The following PIP5K1B variants were observed in gnomAD, a reference collection of about 807,000 sequenced individuals.
PIP5K1B encodes the protein phosphatidylinositol 4-phosphate 5-kinase type-1 beta.
PIP5K1B carries 42 observed loss-of-function variants against 67.0 expected under a neutral mutation model. The ratio of observed to expected loss-of-function variants is 0.63; its 90% CI spans 0.49 to 0.81. The LOEUF is 0.81. Ranked by LOEUF, PIP5K1B falls within the 30% of genes least tolerant of loss-of-function variation. The pLI is 0.00. For synonymous variants in PIP5K1B, 214 were observed against 231.4 expected (o/e 0.92, Z 0.68); for missense variants, 459 against 646.3 (o/e 0.71, Z 3.14).
At position 68,737,048 on chromosome 9, in the gene PIP5K1B, C is replaced by G. The variant is rs530498916; in HGVS notation, c.-242-5453C>G. The stretch of plus-strand genomic sequence containing the variant: ...GACCTTCTTTTCTTTCAGATTGTGT[C>G]TCTTAAGATAAATATCCAAGTTTAG... On this transcript the variant is annotated intron_variant, in intron 1 of 15. Coordinates refer to ENST00000265382, the MANE Select transcript of PIP5K1B (RefSeq NM_003558.4). 2.0e-4 allele frequency among the ~76,000 whole-genome samples: 30 copies of G among 152,254 alleles called. No homozygotes were observed. In the South Asian group the frequency reaches 5.8e-3, roughly 29 times the overall value.
At chr9:68,750,702 A>C (rs1011965944) in intron 2 of PIP5K1B, among the ~76,000 whole-genome samples, 5 of 152,228 alleles carry the variant, frequency 3.3e-5, no homozygotes, top group Non-Finnish European at 5.9e-5. Flanking sequence ...TAGAATACTT[A>C]TATGCACAAT....
intron 2 of PIP5K1B, among the ~76,000 whole-genome samples, chr9:68,753,325 C>G (rs1829729573): frequency 6.9e-6 from 1 of 145,596 alleles, no homozygotes; most frequent in South Asian, 2.2e-4. Flanking sequence ...TGGTTTATTT[C>G]CCCCCACATT....
At chr9:68,949,508 A>G (rs10869574) in intron 14 of PIP5K1B, among the ~76,000 whole-genome samples, 102,806 of 152,150 alleles carry the variant, frequency 0.68, 37,404 homozygotes, top group Non-Finnish European at 0.8. Flanking sequence ...AATTAAGAGG[A>G]CATAACATGT....
intron 4 of PIP5K1B, among the ~76,000 whole-genome samples, chr9:68,859,428 C>T (rs1822946592): frequency 6.6e-6 from 1 of 152,158 alleles, no homozygotes; most frequent in Admixed American, 6.5e-5. Flanking sequence ...AACATATTGC[C>T]TCCACTTAGC....
intron 11 of PIP5K1B, among the ~76,000 whole-genome samples, chr9:68,921,075 C>T (rs189907681): frequency 6.6e-6 from 1 of 152,282 alleles, no homozygotes; most frequent in East Asian, 1.9e-4. Context: ...AATAACCTTT[C>T]AGCATGAAAG....
At chr9:68,884,418 C>T (rs1824354191) in intron 6 of PIP5K1B, among the ~76,000 whole-genome samples, 1 of 149,954 alleles carries the variant, frequency 6.7e-6, no homozygotes, top group Admixed American at 6.6e-5. Flanking sequence ...AGTCCCAGCA[C>T]TTTGGAAGGC....
At chr9:68,985,423 TG>T (rs1830059179) in intron 14 of PIP5K1B, among the ~76,000 whole-genome samples, 1 of 152,194 alleles carries the variant, frequency 6.6e-6, no homozygotes, top group African/African-American at 2.4e-5. Context: ...GGCTAATTTT[TG>T]TATTTTTAGT....
At position 68,780,944 on chromosome 9, in the gene PIP5K1B, A is replaced by G. The variant is rs141211839; in HGVS notation, c.-85-37517A>G. On this transcript the variant is annotated intron_variant, in intron 2 of 15. Coordinates refer to ENST00000265382, the MANE Select transcript of PIP5K1B (RefSeq NM_003558.4). ...GATCTTCTTGTAACTCACCAGCGAA[A>G]GTCAGCACTACCACCGACTCTCCTG... 14 of 1,613,998 alleles carry G rather than the reference A, an allele frequency of 8.7e-6. No homozygotes were observed. In the African/African-American group the frequency reaches 1.7e-4, roughly 20 times the overall value.
chr9:68,980,366 G>GGT (rs1001220124), intron 14 of PIP5K1B, among the ~76,000 whole-genome samples: 1 of 152,170 alleles, frequency 6.6e-6, no homozygotes, highest in Non-Finnish European at 1.5e-5. Flanking sequence ...TGTATTTGTG[G>GGT]GTGTTCTCTG....
intron 2 of PIP5K1B, among the ~76,000 whole-genome samples, chr9:68,761,835 G>A (rs1359204948): frequency 6.6e-6 from 1 of 152,090 alleles, no homozygotes; most frequent in Non-Finnish European, 1.5e-5. Context: ...AACTTCACCT[G>A]CAGCCTTAAT....
At chr9:69,003,242 T>A (rs777889217) in intron 15 of PIP5K1B, among the ~76,000 whole-genome samples, 54 of 151,838 alleles carry the variant, frequency 3.6e-4, no homozygotes, top group Middle Eastern at 3.4e-3. Context: ...AGAGCAGACC[T>A]GGAAAAAAAG....
chr9:68,908,574 T>C (rs1161611866), intron 8 of PIP5K1B, among the ~76,000 whole-genome samples: 1 of 152,186 alleles, frequency 6.6e-6, no homozygotes, highest in Non-Finnish European at 1.5e-5. Context: ...GCCAAAATTG[T>C]ATGGCTTGTC....
chr9:68,880,277 CTG>C (rs1298751477), intron 6 of PIP5K1B, among the ~76,000 whole-genome samples: 1 of 152,098 alleles, frequency 6.6e-6, no homozygotes, highest in Non-Finnish European at 1.5e-5. Context: ...GAGAGGCCAA[CTG>C]TGGTGGCTCA....
intron 4 of PIP5K1B, chr9:68,824,048 AT>A: frequency 1.9e-6 from 1 of 515,876 alleles, no homozygotes; most frequent in Non-Finnish European, 3.9e-6. Flanking sequence ...ATTTTATAAA[AT>A]TTGTACATTG....
intron 2 of PIP5K1B, chr9:68,784,343 A>G (rs1831487470): frequency 6.0e-6 from 1 of 167,146 alleles, no homozygotes; most frequent in Non-Finnish European, 1.5e-5. Context: ...GTCATACTTA[A>G]TAAACCTCTG....
chr9:68,791,879 C>T (rs1587457659), intron 2 of PIP5K1B, among the ~76,000 whole-genome samples: 1 of 152,312 alleles, frequency 6.6e-6, no homozygotes, highest in Non-Finnish European at 1.5e-5. Flanking sequence ...GATTCCAGTA[C>T]TCTAGCTAAC....
intron 2 of PIP5K1B, among the ~76,000 whole-genome samples, chr9:68,792,671 G>A (rs1832047332): frequency 6.6e-6 from 1 of 152,124 alleles, no homozygotes; most frequent in South Asian, 2.1e-4. Flanking sequence ...AGTAGAGACA[G>A]GGTTTCGCTG....
chr9:68,945,302 C>T (rs925768360), intron 14 of PIP5K1B, among the ~76,000 whole-genome samples: 15 of 152,032 alleles, frequency 9.9e-5, no homozygotes, highest in Non-Finnish European at 2.1e-4. Context: ...CCCGCCACCA[C>T]TCCTGGCTAG....
At chr9:68,716,854 G>T (rs932774589) in intron 1 of PIP5K1B, among the ~76,000 whole-genome samples, 1 of 152,182 alleles carries the variant, frequency 6.6e-6, no homozygotes, top group Non-Finnish European at 1.5e-5. Flanking sequence ...GACCATCAAT[G>T]ATGGATTGGA....
Sources: allele counts gnomAD v4.1 joint callset (sites outside exome capture counted in the v4.1 genomes callset), GRCh38; gene constraint gnomAD v4.1.1; transcripts MANE v1.5; gene names NCBI Gene and HGNC (gene_info 2026-07-23, HGNC 2026-07-21).